ARHGEF9: variants seen among roughly 807,000 people sequenced by gnomAD.
ARHGEF9 encodes the protein rho guanine nucleotide exchange factor 9.
Under a neutral mutation model 41.3 loss-of-function variants are expected in ARHGEF9, and 2 were observed. The ratio of observed to expected loss-of-function variants is 0.05; its 90% CI spans 0.02 to 0.15. ARHGEF9 has a LOEUF of 0.15. Ranked by LOEUF, ARHGEF9 falls within the 10% of genes least tolerant of loss-of-function variation. The probability of loss-of-function intolerance (pLI) is 1.00; values close to 1 mark genes in which losing one functional copy is unlikely to be tolerated. For synonymous variants in ARHGEF9, 160 were observed against 154.4 expected (o/e 1.04, Z -0.27); for missense variants, 225 against 424.7 (o/e 0.53, Z 4.13).
intron 6 of ARHGEF9, among the ~76,000 whole-genome samples, chrX:63,667,104 A>G (rs782675454): frequency 1.8e-5 from 2 of 112,335 alleles, no homozygotes; most frequent in African/African-American, 6.5e-5. Context: ...AGGGACAAAG[A>G]GTAGTGTCCC....
chrX:63,658,854 G>A (rs782052583), intron 7 of ARHGEF9, among the ~76,000 whole-genome samples: 2 of 111,852 alleles, frequency 1.8e-5, no homozygotes, highest in Non-Finnish European at 3.8e-5. Context: ...TTCAGGACAG[G>A]GTGGTATTTG....
chrX:63,707,329 T>C (rs1287722435), intron 2 of ARHGEF9: 9 of 94,816 alleles, frequency 9.5e-5, no homozygotes, highest in Non-Finnish European at 1.6e-4. Flanking sequence ...GTTGAGACTG[T>C]CCATCCTAAA....
At chrX:63,767,111 C>A in intron 1 of ARHGEF9, 1 of 963,217 alleles carries the variant, frequency 1.0e-6, no homozygotes, top group African/African-American at 1.9e-5. Context: ...TAGCAGTGAA[C>A]ACTTTCACCA....
chrX:63,761,540 A>T (rs782135711), intron 1 of ARHGEF9, among the ~76,000 whole-genome samples: 1 of 111,855 alleles, frequency 8.9e-6, no homozygotes, highest in African/African-American at 3.2e-5. Context: ...TATGGAAAGT[A>T]TTCTCTGCTA....
chrX:63,674,391 G>A (rs1397521128), intron 5 of ARHGEF9, among the ~76,000 whole-genome samples: 5 of 112,166 alleles, frequency 4.5e-5, no homozygotes, highest in Non-Finnish European at 7.5e-5. Context: ...GAAGTGTTGC[G>A]TAGTGTAAGA....
rs1386366613 is a variant in ARHGEF9 at position 63,655,863 on chromosome X, C to A, written c.1078-126G>T. 5.5e-5 allele frequency: 50 copies of A among 902,013 alleles called. No homozygotes were observed. In the Admixed American group the frequency reaches 1.2e-3, roughly 21 times the overall value. The allele number at this position is 902,013 out of a possible 1,213,427, so 74.3% of individuals were successfully genotyped here. On this transcript the variant is annotated intron_variant, in intron 7 of 9. Coordinates refer to ENST00000671741, the MANE Select transcript of ARHGEF9 (RefSeq NM_001353921.2). The stretch of plus-strand genomic sequence containing the variant: ...AAGTACCAATGGGGGTTGGTTTGTT[C>A]TAAATTTGGCCAGGTTATACTAGTA...
chrX:63,723,826 C>T, intron 2 of ARHGEF9, among the ~76,000 whole-genome samples: 1 of 112,324 alleles, frequency 8.9e-6, no homozygotes, highest in Non-Finnish European at 1.9e-5. Flanking sequence ...AAATTCCTCC[C>T]AAGAGCCTCT....
intron 1 of ARHGEF9, among the ~76,000 whole-genome samples, chrX:63,765,887 T>G (rs782688294): frequency 1.8e-5 from 2 of 111,857 alleles, no homozygotes; most frequent in South Asian, 7.5e-4. Flanking sequence ...CAAGAATAAC[T>G]GCACCTTACA....
chrX:63,756,018 G>T, intron 1 of ARHGEF9: 1 of 200,870 alleles, frequency 5.0e-6, no homozygotes, highest in Non-Finnish European at 7.5e-6. Context: ...GGTATCTAGA[G>T]CTAAGGAGGG....
intron 3 of ARHGEF9, among the ~76,000 whole-genome samples, chrX:63,703,584 C>T (rs1258469707): frequency 9.8e-5 from 11 of 112,065 alleles, no homozygotes; most frequent in African/African-American, 3.2e-4. Flanking sequence ...CAATATTTAT[C>T]GAGCATCTAC....
At chrX:63,686,420 A>G (rs2050985793) in intron 4 of ARHGEF9, among the ~76,000 whole-genome samples, 1 of 111,268 alleles carries the variant, frequency 9.0e-6, no homozygotes, top group African/African-American at 3.3e-5. Context: ...CAAACATAAG[A>G]TAGAAGGAAT....
intron 7 of ARHGEF9, among the ~76,000 whole-genome samples, chrX:63,658,481 C>T (rs1392762710): frequency 6.3e-5 from 7 of 111,810 alleles, no homozygotes; most frequent in Non-Finnish European, 1.3e-4. Flanking sequence ...TGTATGGTTA[C>T]GGACAAGCCA....
intron 4 of ARHGEF9, among the ~76,000 whole-genome samples, chrX:63,684,821 A>G (rs1556373617): frequency 9.1e-6 from 1 of 110,384 alleles, no homozygotes; most frequent in African/African-American, 3.3e-5. Flanking sequence ...GTCATTTGTC[A>G]CAACATGGAG....
rs782594534 is a variant in ARHGEF9, at chrX:63,726,484, G to A, written c.31-1773C>T. 9.9e-5 allele frequency among the ~76,000 whole-genome samples: 11 copies of A among 111,421 alleles called. No individual in the cohort carries two copies. In the East Asian group the frequency reaches 2.3e-3, roughly 23 times the overall value. On this transcript the variant is annotated intron_variant, in intron 1 of 9. Coordinates refer to ENST00000671741, the MANE Select transcript of ARHGEF9 (RefSeq NM_001353921.2). ...CTCCCAAGTAGCTGGGACTACAGGC[G>A]CACGCCACCATGCCCAGCTAATTTT... is the stretch of plus-strand genomic sequence containing the variant.
At chrX:63,660,642 CTT>C (rs1444355810) in intron 7 of ARHGEF9, among the ~76,000 whole-genome samples, 1 of 111,974 alleles carries the variant, frequency 8.9e-6, no homozygotes, top group Non-Finnish European at 1.9e-5. Context: ...AAAATCTCTG[CTT>C]TTGTTTACAA....
Position 63,767,085 on chromosome X carries a change from A to G in ARHGEF9, c.30+18031T>C, listed in dbSNP as rs185700389. On this transcript the variant is annotated intron_variant, in intron 1 of 9. Coordinates refer to ENST00000671741, the MANE Select transcript of ARHGEF9 (RefSeq NM_001353921.2). ...AACAGTGATCCACTTTAACAACCCTAAAGTTTAGGCATCTCTAGCAGTGAA... is the reference window on the plus strand; with the variant it reads ...AACAGTGATCCACTTTAACAACCCTGAAGTTTAGGCATCTCTAGCAGTGAA... 2.3e-4 allele frequency: 233 copies of G among 1,007,365 alleles called. 5 individuals are homozygous for G. In the East Asian group the frequency reaches 6.8e-3, roughly 29 times the overall value. 83.0% of individuals were successfully genotyped at this position (1,007,365 alleles called of 1,213,427 possible). A position where few individuals can be genotyped will look rare whatever the true frequency, so the allele number is the denominator to read the frequency against.
At chrX:63,747,979 A>G (rs536161294) in intron 1 of ARHGEF9, among the ~76,000 whole-genome samples, 48 of 112,496 alleles carry the variant, frequency 4.3e-4, no homozygotes, top group Middle Eastern at 9.1e-3. Flanking sequence ...CAGATTTACC[A>G]TGAGTAAGAG....
intron 1 of ARHGEF9, among the ~76,000 whole-genome samples, chrX:63,763,944 C>A (rs1330759260): frequency 4.5e-5 from 5 of 111,455 alleles, no homozygotes; most frequent in Non-Finnish European, 7.5e-5. Context: ...AGACATAATA[C>A]CTGTCAAAGA....
chrX:63,735,295 G>A (rs1188824291), intron 1 of ARHGEF9, among the ~76,000 whole-genome samples: 3 of 111,094 alleles, frequency 2.7e-5, no homozygotes, highest in Admixed American at 9.6e-5. Flanking sequence ...CCTGGACTAC[G>A]ACTTGAAGCC....
Sources: allele counts gnomAD v4.1 joint callset (sites outside exome capture counted in the v4.1 genomes callset), GRCh38; gene constraint gnomAD v4.1.1; transcripts MANE v1.5; gene names NCBI Gene and HGNC (gene_info 2026-07-23, HGNC 2026-07-21).